The following ROBO1 variants were observed in gnomAD, a reference collection of about 807,000 sequenced individuals.
ROBO1 encodes roundabout guidance receptor 1.
In ROBO1, 149 loss-of-function variants were observed where a neutral mutation model predicts 195.9. The observed-to-expected ratio is 0.76, with a 90% CI of 0.67 to 0.87. ROBO1 has a LOEUF of 0.87. Ranked by LOEUF, ROBO1 falls within the 40% of genes least tolerant of loss-of-function variation. ROBO1 has a pLI of 0.00. For missense variants in ROBO1, 1,933 were observed against 2,068.3 expected (o/e 0.93, Z 1.27); for synonymous variants, 816 against 733.2 (o/e 1.11, Z -1.82).
intron 3 of ROBO1, among the ~76,000 whole-genome samples, chr3:78,959,581 A>G (rs2041232410): frequency 6.6e-6 from 1 of 152,170 alleles, no homozygotes; most frequent in Non-Finnish European, 1.5e-5. Context: ...TTGTAGATAG[A>G]AGCCCAAAAT....
At chr3:79,524,475 T>C (rs1395171687) in intron 2 of ROBO1, among the ~76,000 whole-genome samples, 1 of 152,100 alleles carries the variant, frequency 6.6e-6, no homozygotes, top group Non-Finnish European at 1.5e-5. Context: ...TGAATTTTTA[T>C]ATATGTATGT....
intron 3 of ROBO1, among the ~76,000 whole-genome samples, chr3:78,994,576 G>A (rs905198264): frequency 6.6e-6 from 1 of 152,094 alleles, no homozygotes; most frequent in Non-Finnish European, 1.5e-5. Flanking sequence ...TGGAAATACC[G>A]AGTAAATGGG....
At chr3:79,343,906 T>C (rs559923174) in intron 2 of ROBO1, among the ~76,000 whole-genome samples, 1 of 152,286 alleles carries the variant, frequency 6.6e-6, no homozygotes, top group Non-Finnish European at 1.5e-5. Flanking sequence ...AGTTGTTTGT[T>C]TCCCAAACTT....
intron 2 of ROBO1, among the ~76,000 whole-genome samples, chr3:79,365,626 GGT>G (rs886673062): frequency 3.3e-5 from 5 of 152,184 alleles, no homozygotes; most frequent in African/African-American, 9.6e-5. Context: ...GGCCGGGCAC[GGT>G]GGCTTAAGCC....
intron 2 of ROBO1, among the ~76,000 whole-genome samples, chr3:79,415,508 A>T (rs927282493): frequency 6.6e-6 from 1 of 152,106 alleles, no homozygotes; most frequent in African/African-American, 2.4e-5. Flanking sequence ...AAGCTTACAC[A>T]AAAATTCCTC....
At chr3:78,794,419 T>A (rs2084121890) in intron 4 of ROBO1, among the ~76,000 whole-genome samples, 1 of 152,182 alleles carries the variant, frequency 6.6e-6, no homozygotes, top group African/African-American at 2.4e-5. Context: ...TTTCTAATAG[T>A]GGTGTATGGG....
At chr3:79,296,220 A>G (rs1197680437) in intron 2 of ROBO1, among the ~76,000 whole-genome samples, 2 of 152,214 alleles carry the variant, frequency 1.3e-5, no homozygotes, top group African/African-American at 2.4e-5. Context: ...AGACACATGA[A>G]TGCTAACACA....
intron 2 of ROBO1, among the ~76,000 whole-genome samples, chr3:79,511,337 A>G (rs191524196): frequency 1.8e-4 from 28 of 152,326 alleles, no homozygotes; most frequent in South Asian, 4.1e-4. Flanking sequence ...TTTTCAGATT[A>G]AATAAGATAC....
Position 79,232,181 on chromosome 3 carries a change from C to A in ROBO1, c.89-106642G>T, listed in dbSNP as rs558633101. Among the ~76,000 whole-genome samples the A allele has an allele frequency of 9.3e-5, 14 of 150,126 alleles. No homozygotes were observed. In the South Asian group the frequency reaches 2.3e-3, roughly 25 times the overall value. ...CAAGTTTAATTATGTAACAAACCTACAAATGTACTCCTGAACTTGAAATAG... is the reference window on the plus strand; with the variant it reads ...CAAGTTTAATTATGTAACAAACCTAAAAATGTACTCCTGAACTTGAAATAG... On this transcript the variant is annotated intron_variant, in intron 2 of 30. Coordinates refer to ENST00000464233, the MANE Select transcript of ROBO1 (RefSeq NM_002941.4).
intron 2 of ROBO1, among the ~76,000 whole-genome samples, chr3:79,308,567 C>T (rs1287948981): frequency 2.6e-5 from 4 of 151,980 alleles, no homozygotes; most frequent in Non-Finnish European, 5.9e-5. Context: ...TTATATTACT[C>T]ATGGAGAGAA....
At chr3:79,551,200 T>G (rs568070590) in intron 2 of ROBO1, among the ~76,000 whole-genome samples, 2 of 151,966 alleles carry the variant, frequency 1.3e-5, no homozygotes, top group East Asian at 3.9e-4. Context: ...TTAATTTTAT[T>G]ATTATTATAC....
intron 8 of ROBO1, among the ~76,000 whole-genome samples, chr3:78,695,755 A>G (rs1471906830): frequency 6.6e-6 from 1 of 152,120 alleles, no homozygotes; most frequent in Non-Finnish European, 1.5e-5. Flanking sequence ...AGAGGAGTCT[A>G]TCTTGAATGG....
At chr3:79,021,300 G>A (rs1384950458) in intron 3 of ROBO1, among the ~76,000 whole-genome samples, 1 of 152,152 alleles carries the variant, frequency 6.6e-6, no homozygotes, top group African/African-American at 2.4e-5. Context: ...ATACTTTTAA[G>A]AGAAGCTTAC....
chr3:79,468,978 G>A (rs1938119428), intron 2 of ROBO1, among the ~76,000 whole-genome samples: 2 of 152,074 alleles, frequency 1.3e-5, no homozygotes, highest in Admixed American at 1.3e-4. Context: ...GATTATGCAT[G>A]CAAATTTCAT....
At chr3:78,782,737 T>G (rs66528054) in intron 4 of ROBO1, among the ~76,000 whole-genome samples, 38,841 of 152,120 alleles carry the variant, frequency 0.26, 5,116 homozygotes, top group Non-Finnish European at 0.28. Context: ...TCTCACATAT[T>G]CTAGGATTAT....
chr3:79,512,582 A>G (rs1940763683), intron 2 of ROBO1, among the ~76,000 whole-genome samples: 1 of 152,162 alleles, frequency 6.6e-6, no homozygotes, highest in Non-Finnish European at 1.5e-5. Flanking sequence ...AAAAAGGAAT[A>G]AACCAGACAT....
chr3:78,675,201 T>A (rs984808534), intron 10 of ROBO1, among the ~76,000 whole-genome samples: 1 of 150,290 alleles, frequency 6.7e-6, no homozygotes, highest in African/African-American at 2.4e-5. Flanking sequence ...GATGGCCGAA[T>A]AGGAACAGCT....
intron 1 of ROBO1, among the ~76,000 whole-genome samples, chr3:79,727,772 A>G (rs1234644524): frequency 5.3e-5 from 8 of 152,180 alleles, no homozygotes. Flanking sequence ...GTTATAAAAT[A>G]TTGGCCATGA....
chr3:78,706,081 C>T (rs542127979), intron 8 of ROBO1, among the ~76,000 whole-genome samples: 7 of 152,096 alleles, frequency 4.6e-5, no homozygotes, highest in African/African-American at 1.2e-4. Context: ...GCAGTTCAGA[C>T]ATTGAAATCC....
Sources: allele counts gnomAD v4.1 joint callset (sites outside exome capture counted in the v4.1 genomes callset), GRCh38; gene constraint gnomAD v4.1.1; transcripts MANE v1.5; gene names NCBI Gene and HGNC (gene_info 2026-07-23, HGNC 2026-07-21).